AJAP1: variants seen among roughly 807,000 people sequenced by gnomAD.
AJAP1 encodes adherens junction-associated protein 1.
A neutral mutation model predicts 35.0 loss-of-function variants in AJAP1; 5 were observed. That is an observed-to-expected ratio of 0.14 (90% CI 0.07 to 0.30). The LOEUF (loss-of-function observed/expected upper bound fraction) is 0.30, where lower values mean the gene tolerates loss of function less well. Ranked by LOEUF, AJAP1 falls within the 10% of genes least tolerant of loss-of-function variation. The pLI, the probability that AJAP1 is intolerant of heterozygous loss-of-function variation, is 1.00. For missense variants in AJAP1, 586 were observed against 571.0 expected (o/e 1.03, Z -0.27); for synonymous variants, 284 against 249.3 (o/e 1.14, Z -1.31).
intron 2 of AJAP1, among the ~76,000 whole-genome samples, chr1:4,732,016 G>A (rs1223700286): frequency 6.6e-6 from 1 of 152,232 alleles, no homozygotes; most frequent in African/African-American, 2.4e-5. Flanking sequence ...GGAGGCGGGA[G>A]CCTGTGCCCC....
At chr1:4,703,943 G>C (rs925805120) in intron 1 of AJAP1, among the ~76,000 whole-genome samples, 1 of 152,188 alleles carries the variant, frequency 6.6e-6, no homozygotes, top group East Asian at 1.9e-4. Flanking sequence ...TCTGCCCTCC[G>C]GATGGAGCCC....
Position 4,763,588 on chromosome 1 carries a change from C to T in AJAP1, c.830-6265C>T, listed in dbSNP as rs897879435. On this transcript the variant is annotated intron_variant, in intron 2 of 5. Transcript: ENST00000378191. ...AAGGTGTTTCTGGAAGAGATTGGCA[C>T]GTGAAATAATGGACTGAGTCTGGAA... Among the ~76,000 whole-genome samples the T allele has an allele frequency of 3.9e-5, 6 of 152,206 alleles. No individual in the cohort carries two copies. In the South Asian group the frequency reaches 6.2e-4, roughly 16 times the overall value.
intron 1 of AJAP1, among the ~76,000 whole-genome samples, chr1:4,660,662 T>C (rs1323517267): frequency 6.6e-6 from 1 of 152,182 alleles, no homozygotes; most frequent in Admixed American, 6.5e-5. Flanking sequence ...TTAGCTTTTT[T>C]AGGGGTCGTG....
intron 1 of AJAP1, among the ~76,000 whole-genome samples, chr1:4,666,445 A>G (rs1205169675): frequency 6.6e-6 from 1 of 152,188 alleles, no homozygotes; most frequent in Non-Finnish European, 1.5e-5. Context: ...TGTGCGTTCA[A>G]GGGGAAAGCA....
At chr1:4,781,209 C>A (rs2100375904) in intron 5 of AJAP1, among the ~76,000 whole-genome samples, 1 of 152,308 alleles carries the variant, frequency 6.6e-6, no homozygotes, top group South Asian at 2.1e-4. Flanking sequence ...CATGTCCCAC[C>A]TGGGGCCCCT....
intron 2 of AJAP1, among the ~76,000 whole-genome samples, chr1:4,749,035 C>G (rs1641261890): frequency 6.6e-6 from 1 of 152,224 alleles, no homozygotes; most frequent in South Asian, 2.1e-4. Flanking sequence ...CCTCTCATTT[C>G]TGGTGGACAC....
chr1:4,752,875 C>G (rs1641349663), intron 2 of AJAP1, among the ~76,000 whole-genome samples: 1 of 152,182 alleles, frequency 6.6e-6, no homozygotes, highest in African/African-American at 2.4e-5. Context: ...GAAAAGGAGG[C>G]CTTGCAGAGC....
chr1:4,780,782 C>T (rs937715450), intron 5 of AJAP1, among the ~76,000 whole-genome samples: 1 of 151,972 alleles, frequency 6.6e-6, no homozygotes, highest in African/African-American at 2.4e-5. Context: ...CAGGTGTGCG[C>T]CCCCATGCCT....
intron 1 of AJAP1, among the ~76,000 whole-genome samples, chr1:4,664,958 A>T (rs1570085302): frequency 6.6e-6 from 1 of 152,094 alleles, no homozygotes; most frequent in Admixed American, 6.5e-5. Context: ...TTAGCAAGGA[A>T]CCTATCTGAA....
At chr1:4,740,785 C>CAAAAAAAAAA (rs34897087) in intron 2 of AJAP1, among the ~76,000 whole-genome samples, 1 of 66,964 alleles carries the variant, frequency 1.5e-5, no homozygotes, top group Non-Finnish European at 2.8e-5. Flanking sequence ...GACTCCGTCT[C>CAAAAAAAAAA]AAAAAAAAAA....
rs567468353 is a variant in AJAP1, at chr1:4,713,093, C to T, written c.829+394C>T. Among the ~76,000 whole-genome samples, 22 of 152,234 alleles carry T rather than the reference C, an allele frequency of 1.4e-4. 1 individual carries two copies. The highest frequency in any genetic ancestry group is 4.8e-4 in the African/African-American group (20 of 41,528). On this transcript the variant is annotated intron_variant, in intron 2 of 5. Coordinates refer to ENST00000378191, the MANE Select transcript of AJAP1 (RefSeq NM_018836.4). ...CCTTGAGCAAGATGCTTGCCCGTCT[C>T]GTGATACAATTAAGGATCCCCCCGC...
intron 2 of AJAP1, among the ~76,000 whole-genome samples, chr1:4,732,248 G>T (rs1640817026): frequency 6.6e-6 from 1 of 152,266 alleles, no homozygotes; most frequent in Non-Finnish European, 1.5e-5. Flanking sequence ...AGCAGCTGGT[G>T]CTAGGACCTT....
rs567858900 is a variant in AJAP1, at chr1:4,787,535, G to T, written c.*5050G>T. On this transcript the variant is annotated 3_prime_UTR_variant, in exon 6 of 6. Transcript: ENST00000378191. ...AGTGCAGCACTGAAGATAAGACATC[G>T]CAGTTGTTACGACGCCTGGTTCTCC... is the stretch of plus-strand genomic sequence containing the variant. The T allele has an allele frequency of 2.6e-6, 1 of 382,858 alleles. No homozygotes were observed. The highest frequency in any genetic ancestry group is 5.2e-6 in the Non-Finnish European group (1 of 191,562). The allele number at this position is 382,858 out of a possible 1,614,324, so 23.7% of individuals were successfully genotyped here.
intron 2 of AJAP1, among the ~76,000 whole-genome samples, chr1:4,748,708 A>C (rs1037585042): frequency 6.8e-6 from 1 of 146,180 alleles, no homozygotes; most frequent in African/African-American, 2.6e-5. Context: ...AGATTGTGCC[A>C]CTGCACCCCA....
At chr1:4,770,452 C>G (rs913602813) in intron 3 of AJAP1, among the ~76,000 whole-genome samples, 1 of 152,186 alleles carries the variant, frequency 6.6e-6, no homozygotes, top group African/African-American at 2.4e-5. Flanking sequence ...CTGCCTTTGC[C>G]TATTTCCTCC....
chr1:4,678,189 TGAA>T (rs1027695148), intron 1 of AJAP1, among the ~76,000 whole-genome samples: 8 of 152,210 alleles, frequency 5.3e-5, no homozygotes, highest in African/African-American at 1.7e-4. Flanking sequence ...TGGGTGCAGT[TGAA>T]GAAGAACAAA....
intron 1 of AJAP1, among the ~76,000 whole-genome samples, chr1:4,678,602 GGA>G (rs1214899267): frequency 6.6e-6 from 1 of 152,170 alleles, no homozygotes; most frequent in Non-Finnish European, 1.5e-5. Context: ...AGCCAGCAAG[GGA>G]GAGAGTACCC....
intron 1 of AJAP1, among the ~76,000 whole-genome samples, chr1:4,709,033 A>G (rs562779750): frequency 4.4e-4 from 67 of 152,362 alleles, no homozygotes; most frequent in African/African-American, 1.5e-3. Context: ...GGGGGTTTCT[A>G]TAGTAACCAA....
rs1642222112 is a variant in AJAP1, at chr1:4,789,768, A to G, written c.*7283A>G. ...TGGCCATGGGAGGAGCAAGAACACTACGCAGTCGTAAGCTCTGTTTTTTGT... is the reference window on the plus strand; with the variant it reads ...TGGCCATGGGAGGAGCAAGAACACTGCGCAGTCGTAAGCTCTGTTTTTTGT... On this transcript the variant is annotated 3_prime_UTR_variant, in exon 6 of 6. Transcript: ENST00000378191. This position sits in a 1 kb window ranked among gnomAD's most constrained non-coding sequence, Gnocchi z 4.4. The G allele has an allele frequency of 6.6e-6, 1 of 152,382 alleles. No individual in the cohort carries two copies. The highest frequency in any genetic ancestry group is 1.9e-4 in the East Asian group (1 of 5,196). The allele number at this position is 152,382 out of a possible 1,614,324, so 9.4% of individuals were successfully genotyped here.
Sources: gnomAD v4.1 joint callset for allele counts (sites outside exome capture counted in the v4.1 genomes callset) on GRCh38, gnomAD v4.1.1 for gene constraint, Gnocchi (gnomAD v3.1) non-coding constraint, MANE v1.5 for transcripts, NCBI Gene and HGNC (gene_info 2026-07-23, HGNC 2026-07-21) for gene names.